Variants in GLG1 observed in about 807,000 individuals in gnomAD.
GLG1 encodes Golgi apparatus protein 1.
GLG1 carries 38 observed loss-of-function variants against 160.5 expected under a neutral mutation model. That is an observed-to-expected ratio of 0.24 (90% confidence interval 0.18 to 0.31). The LOEUF is 0.31. Among genes scored for constraint, GLG1 ranks in the 10% least tolerant of loss-of-function variants. The probability of loss-of-function intolerance (pLI) is 1.00; values close to 1 mark genes in which losing one functional copy is unlikely to be tolerated. For synonymous variants in GLG1, 644 were observed against 543.4 expected (o/e 1.19, Z -2.57); for missense variants, 1,373 against 1,505.2 (o/e 0.91, Z 1.45).
intron 2 of GLG1, among the ~76,000 whole-genome samples, chr16:74,522,838 CA>C (rs1198775649): frequency 6.6e-6 from 1 of 152,144 alleles, no homozygotes; most frequent in Non-Finnish European, 1.5e-5. Context: ...CCTGCATCAC[CA>C]CACCCAGCTA....
chr16:74,525,838 C>G lies in GLG1; in HGVS notation c.471+6283G>C, dbSNP rs1231873777. ...AACTTTCTTGATAGTGTCTGATGCA[C>G]AAAAGTTTTTAATTGTGATGAAGTT... is the stretch of plus-strand genomic sequence containing the variant. On this transcript the variant is annotated intron_variant, in intron 2 of 25. Transcript: ENST00000422840. Among the ~76,000 whole-genome samples the G allele has an allele frequency of 5.9e-5, 9 of 151,338 alleles. No individual in the cohort carries two copies. In the South Asian group the frequency reaches 1.9e-3, roughly 32 times the overall value.
At chr16:74,574,260 C>T (rs2018923420) in intron 1 of GLG1, among the ~76,000 whole-genome samples, 1 of 152,164 alleles carries the variant, frequency 6.6e-6, no homozygotes. Context: ...TTCACAGTTG[C>T]AAGCATCCAA....
Position 74,465,708 on chromosome 16 carries a change from T to C in GLG1, c.2635A>G (p.Thr879Ala), listed in dbSNP as rs1597228398. 1.2e-6 allele frequency: 2 copies of C among 1,613,906 alleles called. No homozygotes were observed. The highest frequency in any genetic ancestry group is 2.7e-5 in the African/African-American group (2 of 74,912). The change falls in exon 19 of 26, where the codon ACC becomes GCC. Residue 879 changes from threonine to alanine, a missense_variant. Coordinates refer to ENST00000422840, the MANE Select transcript of GLG1 (RefSeq NM_001145667.2). ...TEMMDPELDY[T>A]LMRVCKQMIK... ...ATCTGCTTGCAGACCCTCATGAGGG[T>C]GTAGTCTAGCTCTGGGTCCATCATC...
intron 4 of GLG1, 69 bp from the exon 5 acceptor site, chr16:74,496,713 TACACACAC>T (rs34221253): frequency 1.8e-4 from 113 of 617,650 alleles, no homozygotes; most frequent in Admixed American, 4.6e-4. Context: ...AACATTTGGC[TACACACAC>T]ACACACACAC....
rs971672196 is a variant in GLG1 at position 74,493,001 on chromosome 16, C to T, written c.1190G>A (p.Arg397Lys). 6.2e-7 allele frequency: 1 copy of T among 1,613,624 alleles called. No homozygotes were observed. The highest frequency in any genetic ancestry group is 8.5e-7 in the Non-Finnish European group (1 of 1,179,814). Residue 397 changes from arginine to lysine, a missense_variant, in exon 7 of 26, where the codon AGG (arginine) becomes AAG (lysine). By Grantham distance (26) the Arg-to-Lys change is conservative (BLOSUM62 2). Transcript: ENST00000422840. ...CAGGCACATTAACAAGTAGGAGAGC[C>T]TGGCTTCACGCGATCGCGGAAGGTT... Reference protein sequence around the residue: ...VENLPRSREARLSYLLMCLES... With the variant: ...VENLPRSREAKLSYLLMCLES...
intron 1 of GLG1, among the ~76,000 whole-genome samples, chr16:74,556,785 AAAT>A (rs1263593807): frequency 5.4e-5 from 8 of 149,228 alleles, no homozygotes; most frequent in African/African-American, 9.8e-5. Context: ...AAAATATATA[AAAT>A]AATATTATTA....
At chr16:74,453,888 T>G (rs571757082) in intron 25 of GLG1, among the ~76,000 whole-genome samples, 68 of 152,050 alleles carry the variant, frequency 4.5e-4, no homozygotes, top group Non-Finnish European at 7.9e-4. Flanking sequence ...TTTTTTTTTT[T>G]TTTTGAGACA....
At chr16:74,553,409 G>A (rs2018261144) in intron 1 of GLG1, among the ~76,000 whole-genome samples, 2 of 149,692 alleles carry the variant, frequency 1.3e-5, no homozygotes, top group Non-Finnish European at 3.0e-5. Context: ...TAGCTTAACA[G>A]TACATATTAG....
intron 12 of GLG1, among the ~76,000 whole-genome samples, 154 bp downstream of exon 12, chr16:74,477,242 C>A (rs1474227638): frequency 1.3e-5 from 2 of 152,166 alleles, no homozygotes; most frequent in African/African-American, 4.8e-5. Flanking sequence ...GAAAATTTTC[C>A]TGAGAATTTC....
chr16:74,489,686 C>G (rs2015914794), intron 8 of GLG1, among the ~76,000 whole-genome samples: 2 of 152,264 alleles, frequency 1.3e-5, no homozygotes, highest in Admixed American at 6.5e-5. Context: ...ATTCCAGAAG[C>G]CTTCCCTCCT....
intron 12 of GLG1, among the ~76,000 whole-genome samples, chr16:74,477,022 GGAAA>G (rs1309128708): frequency 6.6e-6 from 1 of 152,148 alleles, no homozygotes; most frequent in Non-Finnish European, 1.5e-5. Context: ...AAAAAGGAAA[GGAAA>G]GAGGATGTGA....
At chr16:74,548,451 C>A (rs2018108741) in intron 1 of GLG1, among the ~76,000 whole-genome samples, 1 of 152,186 alleles carries the variant, frequency 6.6e-6, no homozygotes, top group African/African-American at 2.4e-5. Context: ...TAAGAAAGTT[C>A]TTTGAAGGCA....
At chr16:74,462,886 G>C (rs1426041401) in intron 20 of GLG1, 2 of 498,030 alleles carry the variant, frequency 4.0e-6, no homozygotes, top group Non-Finnish European at 7.1e-6. Context: ...ATACTCTAAG[G>C]AGTCCTCAGA....
At chr16:74,478,176 G>C (rs2015460940) in intron 11 of GLG1, among the ~76,000 whole-genome samples, 1 of 152,106 alleles carries the variant, frequency 6.6e-6, no homozygotes. Flanking sequence ...TTTTGTGTTT[G>C]TTGTTTTGCT....
chr16:74,590,559 T>G (rs1183375637), intron 1 of GLG1, among the ~76,000 whole-genome samples: 1 of 148,618 alleles, frequency 6.7e-6, no homozygotes, highest in African/African-American at 2.5e-5. Context: ...AGGCGGAGCT[T>G]CCAGTGAGCC....
At chr16:74,483,206 A>G (rs958326621) in intron 9 of GLG1, 82 bp from the exon 10 acceptor site, 1 of 818,914 alleles carries the variant, frequency 1.2e-6, no homozygotes, top group Non-Finnish European at 2.0e-6. Flanking sequence ...TGGTCTGTAG[A>G]AGGCGGCTTT....
intron 21 of GLG1, 131 bp downstream of exon 21, chr16:74,462,357 G>GC (rs1004008145): frequency 2.2e-6 from 2 of 889,966 alleles, no homozygotes; most frequent in Non-Finnish European, 3.6e-6. Flanking sequence ...TGGCCCCTTA[G>GC]CCCCCCAGGT....
chr16:74,453,149 T>C lies in GLG1; in HGVS notation c.*18A>G. ...ACTGGGCACTGGATAGGTAGTTCCT[T>C]TGGTGGTCAAGGTGGCTCTACCTGT... On this transcript the variant is annotated 3_prime_UTR_variant, in exon 26 of 26. Coordinates refer to ENST00000422840, the MANE Select transcript of GLG1 (RefSeq NM_001145667.2). 1 of 1,612,000 alleles carries C rather than the reference T, an allele frequency of 6.2e-7. No individual in the cohort carries two copies. The highest frequency in any genetic ancestry group is 1.1e-5 in the South Asian group (1 of 90,826).
chr16:74,585,872 G>T (rs954198044), intron 1 of GLG1, among the ~76,000 whole-genome samples: 2 of 152,054 alleles, frequency 1.3e-5, no homozygotes, highest in African/African-American at 4.8e-5. Context: ...AGACCAGCCT[G>T]GCCATTATGA....
Sources: allele counts gnomAD v4.1 joint callset (sites outside exome capture counted in the v4.1 genomes callset), GRCh38; gene constraint gnomAD v4.1.1; transcripts MANE v1.5; gene names NCBI Gene and HGNC (gene_info 2026-07-23, HGNC 2026-07-21).